Variants in CASP5 observed in about 807,000 individuals in gnomAD.
The protein encoded by CASP5 is caspase 5.
A neutral mutation model predicts 45.2 loss-of-function variants in CASP5; 42 were observed. That is an observed-to-expected ratio of 0.93 (90% CI 0.73 to 1.20). The LOEUF (loss-of-function observed/expected upper bound fraction) is 1.20. Ranked by LOEUF, CASP5 falls within the 50% of genes most tolerant of loss-of-function variation. CASP5 has a pLI of 0.00. For missense variants in CASP5, 512 were observed against 532.2 expected (o/e 0.96, Z 0.37); for synonymous variants, 209 against 186.2 (o/e 1.12, Z -1.00).
chr11:105,006,328 C>A (rs1246654334), intron 3 of CASP5, among the ~76,000 whole-genome samples: 6 of 152,172 alleles, frequency 3.9e-5, no homozygotes, highest in Non-Finnish European at 7.4e-5. Context: ...GCGTATACTT[C>A]ATTTGTTTAT....
chr11:105,007,015 G>A, intron 3 of CASP5, 68 bp downstream of exon 3: 2 of 1,308,398 alleles, frequency 1.5e-6, no homozygotes, highest in Non-Finnish European at 1.1e-6. Flanking sequence ...AGATAACACT[G>A]CATGGGCCTT....
intron 1 of CASP5, among the ~76,000 whole-genome samples, chr11:105,015,505 A>G (rs1259164142): frequency 6.6e-6 from 1 of 152,234 alleles, no homozygotes; most frequent in Non-Finnish European, 1.5e-5. Flanking sequence ...TACACATTTT[A>G]TATAGGATAC....
intron 3 of CASP5, among the ~76,000 whole-genome samples, chr11:105,005,018 A>T (rs1861935228): frequency 6.6e-6 from 1 of 152,176 alleles, no homozygotes. Context: ...TCTTATATCC[A>T]GTAGTAGAAT....
chr11:105,002,111 C>T lies in CASP5; in HGVS notation c.634G>A (p.Ala212Thr). ...KFDHLPARNG[A>T]HYDIVGMKRL... ...TTCATCCCCACGATGTCATAGTGAG[C>T]CCCATTCCTTGCAGGCAGGTGATCA... Residue 212 changes from alanine (A) to threonine (T), a missense_variant, in exon 5 of 10, where the codon GCT (alanine) becomes ACT (threonine). Physicochemically the swap from Ala to Thr is moderately conservative, Grantham distance 58. Coordinates refer to ENST00000260315, the MANE Select transcript of CASP5 (RefSeq NM_004347.5). The T allele has an allele frequency of 1.2e-6, 2 of 1,614,106 alleles. No homozygotes were observed. Among genetic ancestry groups the T allele is most frequent in the South Asian group, 1.1e-5 (1 of 91,084 alleles).
At chr11:105,009,826 CACATAT>C (rs1565388412) in intron 1 of CASP5, among the ~76,000 whole-genome samples, 4 of 90,902 alleles carry the variant, frequency 4.4e-5, no homozygotes, top group South Asian at 6.0e-4. Flanking sequence ...TATATATATA[CACATAT>C]ATATATACAC....
At position 105,002,064 on chromosome 11, in the gene CASP5, G is replaced by C. The variant is rs1349116569; in HGVS notation, c.681C>G (p.Gly227=). The C allele has an allele frequency of 6.2e-7, 1 of 1,614,134 alleles. No individual in the cohort carries two copies. ...GATTCTTTTCGTCAACCACAGTGTA[G>C]CCCAGGCCTTGAAGCAGCCTTTTCA... ...VGMKRLLQGL[G]YTVVDEKNLT... is the part of the protein sequence containing the mutation. Residue 227 remains glycine (G), a synonymous_variant, in exon 5 of 10, where the codon GGC becomes GGG. Transcript: ENST00000260315.
Position 105,003,307 on chromosome 11 carries a change from T to G in CASP5, c.510A>C (p.Glu170Asp). The G allele has an allele frequency of 6.2e-7, 1 of 1,607,446 alleles. No homozygotes were observed. Among genetic ancestry groups the G allele is most frequent in the South Asian group, 1.1e-5 (1 of 90,212 alleles). Residue 170 changes from glutamate to aspartate, a missense_variant, in exon 4 of 10, where the codon GAA becomes GAC. Coordinates refer to ENST00000260315, the MANE Select transcript of CASP5 (RefSeq NM_004347.5). ...TNILKLCPREEFLRLCKKNHD... is the reference protein window; with the variant it reads ...TNILKLCPREDFLRLCKKNHD... ...GATTTTTTTTACACAGTCTCAGGAA[T>G]TCTTCACGAGGACAAAGTTTGAGTA... is the stretch of plus-strand genomic sequence containing the variant.
chr11:105,015,380 T>C (rs1238050578), intron 1 of CASP5, among the ~76,000 whole-genome samples: 5 of 152,214 alleles, frequency 3.3e-5, no homozygotes, highest in Non-Finnish European at 5.9e-5. Context: ...TTACTTTTTG[T>C]TATTTTAGTA....
At chr11:105,010,729 T>C (rs1050876673) in intron 1 of CASP5, among the ~76,000 whole-genome samples, 38 of 151,634 alleles carry the variant, frequency 2.5e-4, no homozygotes, top group African/African-American at 8.9e-4. Flanking sequence ...GAGTTAACCA[T>C]GACAGGCTTT....
rs1861718797 is a variant in CASP5 at position 105,001,448 on chromosome 11, C to T, written c.717+580G>A. The stretch of plus-strand genomic sequence containing the variant: ...TTGGGAGGCCAAGGCGGGCAGATCA[C>T]GAGGTCAGGAGATCGAGACCATCCT... On this transcript the variant is annotated intron_variant, in intron 5 of 9. Transcript: ENST00000260315. Among the ~76,000 whole-genome samples the T allele has an allele frequency of 2.0e-5, 3 of 152,104 alleles. No homozygotes were observed. The South Asian group carries it at 6.2e-4, about 32-fold the overall frequency.
At chr11:105,001,795 A>G (rs45603341) in intron 5 of CASP5, among the ~76,000 whole-genome samples, 126 of 152,328 alleles carry the variant, frequency 8.3e-4, no homozygotes, top group Admixed American at 3.6e-3. Context: ...ATACATGCCA[A>G]TCATATTTTG....
At chr11:104,998,091 C>T (rs1861547056) in intron 7 of CASP5, among the ~76,000 whole-genome samples, 1 of 151,652 alleles carries the variant, frequency 6.6e-6, no homozygotes, top group Non-Finnish European at 1.5e-5. Flanking sequence ...CTTATCACAC[C>T]CTTGCAGAAT....
At chr11:105,006,466 C>T (rs926140749) in intron 3 of CASP5, among the ~76,000 whole-genome samples, 10 of 152,182 alleles carry the variant, frequency 6.6e-5, no homozygotes, top group Admixed American at 3.3e-4. Flanking sequence ...TTTACTGAAG[C>T]GGAAAAGGGT....
intron 8 of CASP5, among the ~76,000 whole-genome samples, chr11:104,997,088 AG>A (rs1861500788): frequency 6.6e-6 from 1 of 152,144 alleles, no homozygotes; most frequent in Admixed American, 6.6e-5. Context: ...TTATTCATTT[AG>A]TAAATTAACA....
Position 105,020,028 on chromosome 11 carries a change from G to A in CASP5, c.7+3102C>T, listed in dbSNP as rs1243952149. Among the ~76,000 whole-genome samples the A allele has an allele frequency of 1.4e-5, 2 of 145,298 alleles. 1 individual carries two copies. The highest frequency in any genetic ancestry group is 3.1e-5 in the Non-Finnish European group (2 of 65,506). On this transcript the variant is annotated intron_variant, in intron 1 of 9. Transcript: ENST00000260315. The stretch of plus-strand genomic sequence containing the variant: ...TACGCAAATCAATAAATATAATCCA[G>A]CATATAAACAGAACCAAAGACAAAA...
intron 1 of CASP5, among the ~76,000 whole-genome samples, chr11:105,019,542 A>C (rs1862830274): frequency 1.3e-5 from 2 of 151,290 alleles, no homozygotes; most frequent in African/African-American, 4.8e-5. Context: ...ACGCAAATAA[A>C]CTAGAAAATC....
In CASP5 at chr11:105,008,654, G is replaced by A. The variant is rs551852161; in HGVS notation, c.181+153C>T. ...CTGGATCCCACCCCACAAAAGACAA[G>A]GTAGTCCCTGAAGGAAAAATTATAG... is the stretch of plus-strand genomic sequence containing the variant. On this transcript the variant is annotated intron_variant, in intron 2 of 9. Transcript: ENST00000260315. Among the ~76,000 whole-genome samples the A allele has an allele frequency of 5.9e-5, 9 of 152,048 alleles. No homozygotes were observed. In the East Asian group the frequency reaches 1.7e-3, roughly 29 times the overall value.
At chr11:105,015,557 G>A (rs910357505) in intron 1 of CASP5, among the ~76,000 whole-genome samples, 2 of 152,004 alleles carry the variant, frequency 1.3e-5, no homozygotes, top group Non-Finnish European at 2.9e-5. Flanking sequence ...AACTACACAT[G>A]GTTGTTTATA....
At chr11:105,000,554 T>G in intron 5 of CASP5, 59 bp from the exon 6 acceptor site, 5 of 1,468,870 alleles carry the variant, frequency 3.4e-6, no homozygotes, top group Non-Finnish European at 4.7e-6. Flanking sequence ...TAGGACCTCC[T>G]AGATTTACCA....
Sources: gnomAD v4.1 joint callset for allele counts (sites outside exome capture counted in the v4.1 genomes callset) on GRCh38, gnomAD v4.1.1 for gene constraint, MANE v1.5 for transcripts, NCBI Gene and HGNC (gene_info 2026-07-23, HGNC 2026-07-21) for gene names.